The following ZNF385D variants were observed in gnomAD, a reference collection of about 807,000 sequenced individuals.
ZNF385D encodes zinc finger protein 385D.
In ZNF385D, 15 loss-of-function variants were observed where a neutral mutation model predicts 35.8. The ratio of observed to expected loss-of-function variants is 0.42; its 90% CI spans 0.28 to 0.64. The LOEUF is 0.64. ZNF385D is among the 30% of genes least tolerant of loss of function. ZNF385D has a pLI of 0.23. For missense variants in ZNF385D, 474 were observed against 494.6 expected, an observed-to-expected ratio of 0.96 and a Z score of 0.39; for synonymous variants, 212 against 186.8, an observed-to-expected ratio of 1.13 and a Z score of -1.10.
At chr3:22,130,541 TCTG>T (rs1425805317) in intron 3 of ZNF385D, among the ~76,000 whole-genome samples, 1 of 152,132 alleles carries the variant, frequency 6.6e-6, no homozygotes, top group Non-Finnish European at 1.5e-5. Flanking sequence ...GCTGGCCAAA[TCTG>T]CTCCGTGTTG....
intron 3 of ZNF385D, among the ~76,000 whole-genome samples, chr3:21,538,348 C>T (rs1204000648): frequency 6.6e-6 from 1 of 152,024 alleles, no homozygotes. Flanking sequence ...GATACAGAAA[C>T]ATTTCTTCTG....
chr3:21,628,951 C>A (rs955544889), intron 2 of ZNF385D, among the ~76,000 whole-genome samples: 2 of 152,068 alleles, frequency 1.3e-5, no homozygotes, highest in African/African-American at 4.8e-5. Context: ...TTTTCACTTA[C>A]ATTTTGCCTG....
chr3:21,999,109 C>T (rs1405194109), intron 3 of ZNF385D, among the ~76,000 whole-genome samples: 4 of 152,160 alleles, frequency 2.6e-5, no homozygotes, highest in Non-Finnish European at 5.9e-5. Context: ...GCCATGTAGA[C>T]ATACAGCTAT....
chr3:21,945,284 T>C (rs1701726993), intron 3 of ZNF385D, among the ~76,000 whole-genome samples: 1 of 152,092 alleles, frequency 6.6e-6, no homozygotes, highest in Non-Finnish European at 1.5e-5. Context: ...AGAAAAATGA[T>C]AACTGACTTA....
At chr3:22,353,868 G>A (rs966925625) in intron 2 of ZNF385D, among the ~76,000 whole-genome samples, 2 of 151,798 alleles carry the variant, frequency 1.3e-5, no homozygotes, top group African/African-American at 2.4e-5. Flanking sequence ...TATCTTTCTG[G>A]CTCACATGTT....
In ZNF385D at chr3:21,720,243, G is replaced by C. The variant is rs148486410; in HGVS notation, c.22+30652C>G. Among the ~76,000 whole-genome samples the C allele has an allele frequency of 2.4e-3, 367 of 152,264 alleles. 3 individuals are homozygous for C. Among genetic ancestry groups the C allele is most frequent in the African/African-American group, 8.3e-3 (343 of 41,546 alleles). On this transcript the variant is annotated intron_variant, in intron 1 of 7. Coordinates refer to ENST00000281523, the MANE Select transcript of ZNF385D (RefSeq NM_024697.3). Reference sequence around the variant, plus strand: ...GTATAGTCCCTAGACCAGCAGCATCGTCATCATCGGGAAACTTGTTAGAAA... The same window carrying C: ...GTATAGTCCCTAGACCAGCAGCATCCTCATCATCGGGAAACTTGTTAGAAA...
rs541132387 is a variant in ZNF385D, at chr3:21,866,045, T to C, written c.326-201017A>G. ...TTAATATTACATTCATGTGTATCTA[T>C]TTATAACATTAGTATGTGTATGTAC... On this transcript the variant is annotated intron_variant, in intron 3 of 5. Coordinates refer to the ZNF385D transcript ENST00000494108. Among the ~76,000 whole-genome samples the C allele has an allele frequency of 1.4e-4, 21 of 152,156 alleles. 1 individual carries two copies. In the East Asian group the frequency reaches 4.1e-3, roughly 29 times the overall value.
intron 2 of ZNF385D, among the ~76,000 whole-genome samples, chr3:22,242,789 TATC>T (rs1340579895): frequency 6.6e-6 from 1 of 151,150 alleles, no homozygotes; most frequent in African/African-American, 2.4e-5. Flanking sequence ...TTGAAAAATC[TATC>T]ATAATTATGT....
At chr3:21,998,688 C>A (rs550440582) in intron 3 of ZNF385D, among the ~76,000 whole-genome samples, 2 of 152,328 alleles carry the variant, frequency 1.3e-5, no homozygotes, top group African/African-American at 4.8e-5. Context: ...ACAAGAACAT[C>A]ACCTTTTAAA....
At chr3:21,700,221 G>A (rs982427162) in intron 1 of ZNF385D, among the ~76,000 whole-genome samples, 2 of 152,060 alleles carry the variant, frequency 1.3e-5, no homozygotes, top group African/African-American at 4.8e-5. Flanking sequence ...GCATGGTCAA[G>A]GAAGACCTCT....
intron 1 of ZNF385D, among the ~76,000 whole-genome samples, chr3:21,744,253 T>G (rs1254236432): frequency 1.3e-5 from 2 of 152,208 alleles, no homozygotes; most frequent in African/African-American, 4.8e-5. Context: ...TTGACACACT[T>G]TGAAAAATAC....
intron 2 of ZNF385D, among the ~76,000 whole-genome samples, chr3:22,322,943 A>T (rs964585460): frequency 7.2e-5 from 11 of 152,152 alleles, no homozygotes; most frequent in African/African-American, 2.7e-4. Flanking sequence ...TCTCATTGCT[A>T]TGGCACCTTA....
intron 3 of ZNF385D, among the ~76,000 whole-genome samples, chr3:22,069,139 T>A (rs1700111244): frequency 6.6e-6 from 1 of 152,214 alleles, no homozygotes; most frequent in South Asian, 2.1e-4. Flanking sequence ...AACATTTTAA[T>A]AGATTCTCTC....
At chr3:22,120,075 T>A (rs565891616) in intron 3 of ZNF385D, among the ~76,000 whole-genome samples, 1 of 151,832 alleles carries the variant, frequency 6.6e-6, no homozygotes, top group African/African-American at 2.4e-5. Context: ...AAGCACTCAA[T>A]TCATTCAACC....
intron 3 of ZNF385D, among the ~76,000 whole-genome samples, chr3:22,084,633 G>C (rs1003863794): frequency 1.3e-5 from 2 of 152,284 alleles, no homozygotes; most frequent in South Asian, 2.1e-4. Context: ...AATAATGGGA[G>C]ACTTTAACAA....
chr3:22,086,139 G>T (rs924279787), intron 3 of ZNF385D, among the ~76,000 whole-genome samples: 3 of 152,132 alleles, frequency 2.0e-5, no homozygotes, highest in Non-Finnish European at 4.4e-5. Flanking sequence ...TTGAAAACTG[G>T]CACAAGACAG....
chr3:21,736,936 C>T (rs1029701467), intron 1 of ZNF385D, among the ~76,000 whole-genome samples: 2 of 152,066 alleles, frequency 1.3e-5, no homozygotes, highest in African/African-American at 4.8e-5. Context: ...CCCAGCAATC[C>T]CATTTCTTTT....
At chr3:21,487,404 G>C (rs1279938496) in intron 4 of ZNF385D, among the ~76,000 whole-genome samples, 4 of 151,914 alleles carry the variant, frequency 2.6e-5, no homozygotes, top group Non-Finnish European at 1.5e-5. Context: ...AAACATGTAG[G>C]GGAATAATAG....
At chr3:21,956,513 T>C (rs1702297752) in intron 3 of ZNF385D, among the ~76,000 whole-genome samples, 1 of 152,048 alleles carries the variant, frequency 6.6e-6, no homozygotes, top group Non-Finnish European at 1.5e-5. Context: ...GAGGTAACCT[T>C]GGAAAAACTA....
Sources: gnomAD v4.1 joint callset for allele counts (sites outside exome capture counted in the v4.1 genomes callset) on GRCh38, gnomAD v4.1.1 for gene constraint, MANE v1.5 for transcripts, NCBI Gene and HGNC (gene_info 2026-07-23, HGNC 2026-07-21) for gene names.